Variants in OPCML observed in about 807,000 individuals in gnomAD.
The protein encoded by OPCML is opioid binding protein/cell adhesion molecule like, also known as opioid-binding protein/cell adhesion molecule.
A neutral mutation model predicts 37.8 loss-of-function variants in OPCML; 13 were observed. That is an observed-to-expected ratio of 0.34 (90% confidence interval 0.22 to 0.55). OPCML has a LOEUF of 0.55. Among genes scored for constraint, OPCML ranks in the 20% least tolerant of loss-of-function variants. The pLI, the probability that OPCML is intolerant of heterozygous loss-of-function variation, is 0.91. For synonymous variants in OPCML, 176 were observed against 168.8 expected (o/e 1.04, Z -0.33); for missense variants, 341 against 435.6 (o/e 0.78, Z 1.93).
intron 2 of OPCML, among the ~76,000 whole-genome samples, chr11:132,693,475 T>C (rs1464774644): frequency 2.6e-5 from 4 of 152,174 alleles, no homozygotes; most frequent in Non-Finnish European, 5.9e-5. Flanking sequence ...AACATGCAGC[T>C]AACAGAATTA....
chr11:133,008,770 A>G (rs1339420423), intron 1 of OPCML: 1 of 478,714 alleles, frequency 2.1e-6, no homozygotes, highest in African/African-American at 2.1e-5. Flanking sequence ...CTTTCAGCCA[A>G]TTCTGATCCA....
intron 3 of OPCML, among the ~76,000 whole-genome samples, chr11:132,637,396 C>T (rs558213987): frequency 2.0e-5 from 3 of 152,236 alleles, no homozygotes; most frequent in Admixed American, 1.3e-4. Context: ...TCTGAGCCTG[C>T]TGTTGAGGCT....
chr11:132,617,837 C>T (rs544418911), intron 3 of OPCML, among the ~76,000 whole-genome samples: 5 of 152,204 alleles, frequency 3.3e-5, no homozygotes, highest in African/African-American at 1.2e-4. Context: ...CAGATTGAGG[C>T]CCTAACCTTA....
rs370676532 is a variant in OPCML, at chr11:133,385,606, G to T, written c.61+146658C>A. Among the ~76,000 whole-genome samples, 12 of 152,140 alleles carry T rather than the reference G, an allele frequency of 7.9e-5. No homozygotes were observed. The East Asian group carries it at 1.6e-3, about 20-fold the overall frequency. ...AGTCTCCAGCCTAGCTGTTTTCAAA[G>T]CTCAGGTGCCTCTAATACTCAAGAC... On this transcript the variant is annotated intron_variant, in intron 1 of 7. Transcript: ENST00000524381.
chr11:133,184,527 G>T (rs1037996156), intron 1 of OPCML, among the ~76,000 whole-genome samples: 2 of 152,108 alleles, frequency 1.3e-5, no homozygotes, highest in Non-Finnish European at 2.9e-5. Flanking sequence ...AGCGAGGCTG[G>T]TCATGGCAGA....
At chr11:132,701,692 T>A (rs2135923725) in intron 2 of OPCML, among the ~76,000 whole-genome samples, 1 of 152,212 alleles carries the variant, frequency 6.6e-6, no homozygotes, top group Non-Finnish European at 1.5e-5. Flanking sequence ...CATTTTGTTG[T>A]TTTCCAACTA....
intron 1 of OPCML, among the ~76,000 whole-genome samples, chr11:133,441,893 T>C (rs1946372901): frequency 6.6e-6 from 1 of 152,022 alleles, no homozygotes; most frequent in African/African-American, 2.4e-5. Flanking sequence ...AGAACAGAAA[T>C]TATGTTAAAA....
chr11:133,096,337 G>A (rs1949003401), intron 1 of OPCML, among the ~76,000 whole-genome samples: 1 of 151,616 alleles, frequency 6.6e-6, no homozygotes, highest in Non-Finnish European at 1.5e-5. Flanking sequence ...TGAACTCTAG[G>A]GCAACCACTA....
chr11:133,166,364 A>G (rs997112823), intron 1 of OPCML, among the ~76,000 whole-genome samples: 1 of 152,200 alleles, frequency 6.6e-6, no homozygotes, highest in African/African-American at 2.4e-5. Flanking sequence ...ATATCCACAT[A>G]TTCTAAATGA....
At chr11:132,733,065 A>C (rs892133647) in intron 2 of OPCML, among the ~76,000 whole-genome samples, 2 of 152,222 alleles carry the variant, frequency 1.3e-5, no homozygotes, top group Non-Finnish European at 2.9e-5. Flanking sequence ...TTCTTTTCAC[A>C]TTATCTCAAT....
intron 1 of OPCML, among the ~76,000 whole-genome samples, chr11:133,203,580 A>G (rs1938895061): frequency 6.6e-6 from 1 of 152,176 alleles, no homozygotes; most frequent in Admixed American, 6.5e-5. Flanking sequence ...AAGAGGTAGA[A>G]CTAGAAGATA....
At chr11:133,389,284 A>C (rs539574063) in intron 1 of OPCML, among the ~76,000 whole-genome samples, 1 of 152,224 alleles carries the variant, frequency 6.6e-6, no homozygotes, top group African/African-American at 2.4e-5. Flanking sequence ...ACTCAGAATT[A>C]CACTGAGAGA....
chr11:132,958,383 T>C (rs1946014544), intron 1 of OPCML, among the ~76,000 whole-genome samples: 1 of 152,194 alleles, frequency 6.6e-6, no homozygotes, highest in East Asian at 1.9e-4. Flanking sequence ...AAACCATTTT[T>C]ATAACATAGA....
intron 2 of OPCML, among the ~76,000 whole-genome samples, chr11:132,793,106 T>C (rs1389843487): frequency 6.6e-6 from 1 of 152,108 alleles, no homozygotes; most frequent in Non-Finnish European, 1.5e-5. Flanking sequence ...CCACTCCTCC[T>C]AGACAGATGG....
Position 133,292,503 on chromosome 11 carries a change from C to T in OPCML, c.61+239761G>A, listed in dbSNP as rs144101555. Among the ~76,000 whole-genome samples the T allele has an allele frequency of 2.6e-5, 4 of 152,164 alleles. No homozygotes were observed. In the East Asian group the frequency reaches 7.7e-4, roughly 29 times the overall value. On this transcript the variant is annotated intron_variant, in intron 1 of 7. Coordinates refer to ENST00000524381, the MANE Select transcript of OPCML (RefSeq NM_001012393.5). ...AAGATATACAGTTTGATACATATTC[C>T]AGAAGGGAAATCATCATCATAATAA...
intron 1 of OPCML, among the ~76,000 whole-genome samples, chr11:133,438,677 C>T (rs982834224): frequency 2.0e-5 from 3 of 152,054 alleles, no homozygotes; most frequent in Admixed American, 2.0e-4. Context: ...TCTTTGAGGG[C>T]CCTAGGTCAC....
chr11:133,013,264 C>A (rs1297992918), intron 1 of OPCML, among the ~76,000 whole-genome samples: 1 of 152,066 alleles, frequency 6.6e-6, no homozygotes, highest in Admixed American at 6.5e-5. Context: ...CTTTTTTTAA[C>A]CTATGTCACT....
intron 4 of OPCML, among the ~76,000 whole-genome samples, chr11:132,498,446 A>T (rs1446666293): frequency 6.6e-6 from 1 of 152,202 alleles, no homozygotes; most frequent in African/African-American, 2.4e-5. Context: ...CACAACTCAA[A>T]TTTTTGCCAT....
intron 1 of OPCML, among the ~76,000 whole-genome samples, chr11:133,479,114 A>C (rs1947316459): frequency 6.6e-6 from 1 of 152,258 alleles, no homozygotes; most frequent in African/African-American, 2.4e-5. Context: ...GGCCCACAGC[A>C]AGCGCTCTGC....
Sources: gnomAD v4.1 joint callset for allele counts (sites outside exome capture counted in the v4.1 genomes callset) on GRCh38, gnomAD v4.1.1 for gene constraint, MANE v1.5 for transcripts, NCBI Gene and HGNC (gene_info 2026-07-23, HGNC 2026-07-21) for gene names.